TRAPPC6B: variants seen among roughly 807,000 people sequenced by gnomAD.
TRAPPC6B encodes TRAPP complex subunit 6B.
In TRAPPC6B, 27 loss-of-function variants were observed where a neutral mutation model predicts 24.7. The observed-to-expected ratio is 1.09, with a 90% CI of 0.81 to 1.51. The LOEUF (loss-of-function observed/expected upper bound fraction) is 1.51. Ranked by LOEUF, TRAPPC6B falls within the 40% of genes most tolerant of loss-of-function variation. The pLI is 0.00. For synonymous variants in TRAPPC6B, 80 were observed against 66.6 expected (o/e 1.20, Z -0.98); for missense variants, 212 against 190.8 (o/e 1.11, Z -0.66).
intron 4 of TRAPPC6B, among the ~76,000 whole-genome samples, chr14:39,152,825 C>G (rs2052930671): frequency 6.6e-6 from 1 of 152,176 alleles, no homozygotes; most frequent in Non-Finnish European, 1.5e-5. Context: ...GCTGAAGAAA[C>G]CAAGATCCCA....
At chr14:39,153,299 T>G (rs906248941) in intron 4 of TRAPPC6B, among the ~76,000 whole-genome samples, 5 of 145,252 alleles carry the variant, frequency 3.4e-5, no homozygotes, top group African/African-American at 1.0e-4. Context: ...ACCATAAAAA[T>G]GTAATTAGAG....
At chr14:39,152,457 A>T (rs188333204) in intron 4 of TRAPPC6B, among the ~76,000 whole-genome samples, 103 of 152,340 alleles carry the variant, frequency 6.8e-4, no homozygotes, top group African/African-American at 2.4e-3. Flanking sequence ...ACCAAAAGTC[A>T]TGACAAGAAC....
intron 4 of TRAPPC6B, 75 bp downstream of exon 4, chr14:39,154,136 T>C: frequency 1.2e-6 from 1 of 861,374 alleles, no homozygotes; most frequent in Non-Finnish European, 1.9e-6. Flanking sequence ...TTCAATAGTT[T>C]GTTATGATTA....
intron 1 of TRAPPC6B, among the ~76,000 whole-genome samples, chr14:39,161,593 A>C (rs1481476920): frequency 6.6e-6 from 1 of 152,212 alleles, no homozygotes; most frequent in Non-Finnish European, 1.5e-5. Flanking sequence ...AATGCCTTAA[A>C]ATCTGCCTTC....
In TRAPPC6B at chr14:39,150,391, A is replaced by G. The variant is rs2052898065; in HGVS notation, c.446-10T>C. The G allele has an allele frequency of 3.2e-6, 5 of 1,568,062 alleles. No homozygotes were observed. Among genetic ancestry groups the G allele is most frequent in the Non-Finnish European group, 4.3e-6 (5 of 1,160,154 alleles). On this transcript the variant is annotated splice_polypyrimidine_tract_variant and intron_variant, in intron 5 of 5. Coordinates refer to ENST00000330149, the MANE Select transcript of TRAPPC6B (RefSeq NM_001079537.2). ...ATCACCTGAAATTTGCCTAAAAAAA[A>G]AAATACAAATAATTCTTTGATTTTA...
Position 39,151,389 on chromosome 14 carries a change from CAAA to C in TRAPPC6B, c.445+354_445+356del, listed in dbSNP as rs11288695. Among the ~76,000 whole-genome samples, 767 of 78,766 alleles carry C rather than the reference CAAA, an allele frequency of 9.7e-3. 5 individuals carry two copies. The highest frequency in any genetic ancestry group is 0.035 in the African/African-American group (735 of 21,126). 51.7% of individuals were successfully genotyped at this position (78,766 alleles called of 152,430 possible). ...TGGGCAACAGAGCGAGACTCCGTCTCAAAAAAAAAAAAAAAAAAAAAAAATAGC... is the reference window on the plus strand; with the variant it reads ...TGGGCAACAGAGCGAGACTCCGTCTCAAAAAAAAAAAAAAAAAAAAATAGC... On this transcript the variant is annotated intron_variant, in intron 5 of 5. Coordinates refer to ENST00000330149, the MANE Select transcript of TRAPPC6B (RefSeq NM_001079537.2).
chr14:39,151,900 T>C, intron 4 of TRAPPC6B, 61 bp from the exon 5 acceptor site: 4 of 1,127,680 alleles, frequency 3.5e-6, no homozygotes, highest in Admixed American at 2.1e-5. Context: ...AAGCTATTGA[T>C]AAATACAACA....
rs1159439049 is a variant in TRAPPC6B at position 39,169,663 on chromosome 14, C to T, written c.81+352G>A. Among the ~76,000 whole-genome samples, 4 of 152,264 alleles carry T rather than the reference C, an allele frequency of 2.6e-5. No homozygotes were observed. The East Asian group carries it at 7.7e-4, about 29-fold the overall frequency. ...TGGCACAGGTCTGTCCAGTGCATGG[C>T]TCAAGTGCTGGAAGTGCCAGCAAAA... On this transcript the variant is annotated intron_variant, in intron 1 of 5. Coordinates refer to ENST00000330149, the MANE Select transcript of TRAPPC6B (RefSeq NM_001079537.2).
rs968219436 is a variant in TRAPPC6B at position 39,170,332 on chromosome 14, C to G, written c.-237G>C. ...CCAAATCCTAGGGCCGAACTAAAGT[C>G]TGACGGGAGCTCTAACCAAAGCCAA... On this transcript the variant is annotated 5_prime_UTR_variant, in exon 1 of 6. Transcript: ENST00000330149. The G allele has an allele frequency of 5.6e-6, 3 of 531,566 alleles. No individual in the cohort carries two copies. The African/African-American group carries it at 5.8e-5, about 10-fold the overall frequency. 32.9% of individuals were successfully genotyped at this position (531,566 alleles called of 1,614,324 possible). A position where few individuals can be genotyped will look rare whatever the true frequency, so the allele number is the denominator to read the frequency against.
chr14:39,165,202 C>T (rs544092625), intron 1 of TRAPPC6B, among the ~76,000 whole-genome samples: 7 of 152,062 alleles, frequency 4.6e-5, no homozygotes, highest in South Asian at 2.1e-4. Context: ...ACCGCCACCA[C>T]GCCCGGCTAA....
At chr14:39,159,317 G>T in intron 2 of TRAPPC6B, 166 bp downstream of exon 2, 1 of 374,202 alleles carries the variant, frequency 2.7e-6, no homozygotes, top group Non-Finnish European at 4.8e-6. Flanking sequence ...TTGAATAAAT[G>T]AGTTAAATGG....
chr14:39,150,723 G>A (rs921338404), intron 5 of TRAPPC6B, among the ~76,000 whole-genome samples: 1 of 152,052 alleles, frequency 6.6e-6, no homozygotes, highest in African/African-American at 2.4e-5. Context: ...ATTTTTAGTA[G>A]AGACAGGGTT....
At chr14:39,164,979 A>G (rs371698472) in intron 1 of TRAPPC6B, among the ~76,000 whole-genome samples, 2 of 152,184 alleles carry the variant, frequency 1.3e-5, no homozygotes. Flanking sequence ...TTTCTGCAGC[A>G]ACTCCAGAGT....
At chr14:39,156,253 G>A (rs2052977570) in intron 3 of TRAPPC6B, among the ~76,000 whole-genome samples, 1 of 152,236 alleles carries the variant, frequency 6.6e-6, no homozygotes, top group South Asian at 2.1e-4. Flanking sequence ...GGGAGGCCAA[G>A]GCGGGAGGAT....
rs776924678 is a variant in TRAPPC6B, at chr14:39,159,545, G to A, written c.87C>T (p.Asn29=). Residue 29 remains asparagine (N), a synonymous_variant, in exon 2 of 6, where the codon AAC becomes AAT. Coordinates refer to ENST00000330149, the MANE Select transcript of TRAPPC6B (RefSeq NM_001079537.2). ...TTTCCAGCTTAGTAATACATCGTCC[G>A]TTTTCCTATTTTAAAAAACAATAGT... ...YKSAEQGEVE[N]GRCITKLENM... is the part of the protein sequence containing the mutation. 58 of 1,599,904 alleles carry A rather than the reference G, an allele frequency of 3.6e-5. No individual in the cohort carries two copies. Among genetic ancestry groups the A allele is most frequent in the Middle Eastern group, 1.7e-4 (1 of 6,056 alleles).
rs1446096085 is a variant in TRAPPC6B, at chr14:39,149,886, A to T, written c.*464T>A. The T allele has an allele frequency of 6.5e-6, 1 of 153,254 alleles. No individual in the cohort carries two copies. The highest frequency in any genetic ancestry group is 1.5e-5 in the Non-Finnish European group (1 of 68,814). 9.5% of individuals were successfully genotyped at this position (153,254 alleles called of 1,614,324 possible). ...ATATATGAAATCCTTATACAGGTGT[A>T]AACATTCTTAATAAATTATAAGCAA... On this transcript the variant is annotated 3_prime_UTR_variant, in exon 6 of 6. Coordinates refer to ENST00000330149, the MANE Select transcript of TRAPPC6B (RefSeq NM_001079537.2).
At chr14:39,156,300 CAT>C (rs1418971312) in intron 3 of TRAPPC6B, among the ~76,000 whole-genome samples, 1 of 152,174 alleles carries the variant, frequency 6.6e-6, no homozygotes, top group African/African-American at 2.4e-5. Context: ...GTCTGGAAAA[CAT>C]AGTGAGACAC....
chr14:39,150,317 T>C lies in TRAPPC6B; in HGVS notation c.*33A>G, dbSNP rs372801793. 1 of 1,558,464 alleles carries C rather than the reference T, an allele frequency of 6.4e-7. No individual in the cohort carries two copies. The highest frequency in any genetic ancestry group is 8.7e-7 in the Non-Finnish European group (1 of 1,152,262). ...ACTTTTACATGAATAATTTATCTCT[T>C]TACACTGTTGAAGCCTTGCATTTCA... On this transcript the variant is annotated 3_prime_UTR_variant, in exon 6 of 6. Coordinates refer to ENST00000330149, the MANE Select transcript of TRAPPC6B (RefSeq NM_001079537.2).
intron 5 of TRAPPC6B, among the ~76,000 whole-genome samples, chr14:39,151,287 G>T (rs2052908555): frequency 6.6e-6 from 1 of 150,758 alleles, no homozygotes; most frequent in African/African-American, 2.4e-5. Context: ...CTACTCGGGA[G>T]GTTGAGGCAG....
Sources: allele counts gnomAD v4.1 joint callset (sites outside exome capture counted in the v4.1 genomes callset), GRCh38; gene constraint gnomAD v4.1.1; transcripts MANE v1.5; gene names NCBI Gene and HGNC (gene_info 2026-07-23, HGNC 2026-07-21).